ANKRD44: variants seen among roughly 807,000 people sequenced by gnomAD.
ANKRD44 encodes the protein ankyrin repeat domain 44, also known as serine/threonine-protein phosphatase 6 regulatory ankyrin repeat subunit B.
A neutral mutation model predicts 116.0 loss-of-function variants in ANKRD44; 35 were observed. The observed-to-expected ratio is 0.30, with a 90% CI of 0.23 to 0.40. The LOEUF (loss-of-function observed/expected upper bound fraction) is 0.40. Ranked by LOEUF, ANKRD44 falls within the 10% of genes least tolerant of loss-of-function variation. The pLI is 1.00. For synonymous variants in ANKRD44, 435 were observed against 461.8 expected (o/e 0.94, Z 0.74); for missense variants, 1,014 against 1,242.6 (o/e 0.82, Z 2.77).
rs367747748 is a variant in ANKRD44, at chr2:197,025,215, T to G, written c.1703A>C (p.Lys568Thr). The change falls in exon 17 of 28, where the codon AAG becomes ACG. Residue 568 changes from lysine to threonine, a missense_variant. Coordinates refer to ENST00000282272, the MANE Select transcript of ANKRD44 (RefSeq NM_001195144.2). The part of the protein sequence containing the change: ...GFEESDSGAT[K>T]SPLHLAAYNG... The stretch of plus-strand genomic sequence containing the variant: ...ACTTACAGCTAAGTGGAGTGGACTC[T>G]TAGTAGCACCAGAATCTGATTCTTC... The G allele has an allele frequency of 2.5e-6, 4 of 1,612,796 alleles. No individual in the cohort carries two copies. The highest frequency in any genetic ancestry group is 3.4e-6 in the Non-Finnish European group (4 of 1,178,900).
chr2:197,216,844 G>A (rs1394091027), intron 1 of ANKRD44, among the ~76,000 whole-genome samples: 1 of 138,688 alleles, frequency 7.2e-6, no homozygotes. Flanking sequence ...GCAGGGTCTG[G>A]CTTTGTCAGC....
intron 2 of ANKRD44, among the ~76,000 whole-genome samples, chr2:197,172,194 G>C (rs544490199): frequency 6.6e-6 from 1 of 152,034 alleles, no homozygotes; most frequent in Non-Finnish European, 1.5e-5. Flanking sequence ...AGAGAGGGGG[G>C]CTTCACCATA....
At position 197,284,023 on chromosome 2, in the gene ANKRD44, G is replaced by A. The variant is rs149585940; in HGVS notation, c.27+26555C>T. 2.9e-3 allele frequency among the ~76,000 whole-genome samples: 448 copies of A among 152,254 alleles called. 1 individual carries two copies. The highest frequency in any genetic ancestry group is 9.9e-3 in the African/African-American group (413 of 41,550). ...CTGTTAACTACTGTCTCCTCTCCCC[G>A]TTTGCTGGATCTATCTATGAATAGG... On this transcript the variant is annotated intron_variant, in intron 1 of 27. Coordinates refer to ENST00000282272, the MANE Select transcript of ANKRD44 (RefSeq NM_001195144.2).
At chr2:196,999,152 A>G in intron 23 of ANKRD44, 100 bp from the exon 24 acceptor site, 1 of 1,408,732 alleles carries the variant, frequency 7.1e-7, no homozygotes, top group Non-Finnish European at 9.6e-7. Context: ...TAAGGATTTA[A>G]AACTTCTCAG....
rs998494247 is a variant in ANKRD44 at position 196,993,638 on chromosome 2, C to T, written c.2868G>A (p.Val956=). ...LHVAARNGLK[V]VVEELLAKGA... ...CTTTGGCCAGCAACTCCTCAACTACCACCTTTAAGCCATTGCGCGCAGCGA... is the reference window on the plus strand; with the variant it reads ...CTTTGGCCAGCAACTCCTCAACTACTACCTTTAAGCCATTGCGCGCAGCGA... The change falls in exon 27 of 28, where the codon GTG becomes GTA. Residue 956 remains valine, a synonymous_variant. Transcript: ENST00000282272. 6.4e-7 allele frequency: 1 copy of T among 1,551,072 alleles called. No individual in the cohort carries two copies. Among genetic ancestry groups the T allele is most frequent in the Non-Finnish European group, 8.7e-7 (1 of 1,147,098 alleles).
At chr2:197,027,550 C>T (rs182044285) in intron 16 of ANKRD44, among the ~76,000 whole-genome samples, 1 of 152,080 alleles carries the variant, frequency 6.6e-6, no homozygotes, top group Admixed American at 6.5e-5. Flanking sequence ...AAGACTCAGA[C>T]TGAGCAGGTG....
intron 16 of ANKRD44, among the ~76,000 whole-genome samples, chr2:197,074,694 GT>G (rs751273514): frequency 1.4e-4 from 21 of 152,068 alleles, no homozygotes; most frequent in Non-Finnish European, 2.9e-4. Context: ...GCCCAGGTTG[GT>G]CTTGAATTCC....
At chr2:197,056,197 G>C in intron 16 of ANKRD44, among the ~76,000 whole-genome samples, 1 of 152,012 alleles carries the variant, frequency 6.6e-6, no homozygotes, top group Non-Finnish European at 1.5e-5. Flanking sequence ...TAAGTCCCCA[G>C]GTTGTTCTTT....
At chr2:197,131,208 T>C (rs79158581) in intron 4 of ANKRD44, among the ~76,000 whole-genome samples, 3 of 151,412 alleles carry the variant, frequency 2.0e-5, no homozygotes, top group African/African-American at 4.9e-5. Flanking sequence ...TTTTTTTTTT[T>C]TGAGACGGAG....
chr2:197,187,487 A>T (rs968780034), intron 1 of ANKRD44, among the ~76,000 whole-genome samples: 3 of 152,160 alleles, frequency 2.0e-5, no homozygotes, highest in African/African-American at 7.2e-5. Context: ...ACCAACATTG[A>T]TATGTTGCAA....
chr2:197,257,149 G>C (rs2082470482), intron 1 of ANKRD44, among the ~76,000 whole-genome samples: 1 of 152,146 alleles, frequency 6.6e-6, no homozygotes. Flanking sequence ...GCAGATTCCA[G>C]GACTCTCTTG....
chr2:197,116,165 G>T (rs888738967), intron 8 of ANKRD44, among the ~76,000 whole-genome samples: 1 of 152,234 alleles, frequency 6.6e-6, no homozygotes, highest in African/African-American at 2.4e-5. Flanking sequence ...CCACTGGTCA[G>T]TTAACTGGGA....
intron 16 of ANKRD44, among the ~76,000 whole-genome samples, chr2:197,050,602 C>T (rs1322544022): frequency 6.6e-6 from 1 of 151,838 alleles, no homozygotes; most frequent in East Asian, 1.9e-4. Context: ...CTTGTATTTT[C>T]AGTGGAGACA....
intron 1 of ANKRD44, among the ~76,000 whole-genome samples, chr2:197,244,262 C>T (rs1230953140): frequency 1.3e-5 from 2 of 152,192 alleles, no homozygotes; most frequent in African/African-American, 4.8e-5. Context: ...GGACAAGACT[C>T]TATTAAGCAA....
chr2:196,995,696 A>G (rs991847523), intron 25 of ANKRD44, among the ~76,000 whole-genome samples: 5 of 152,192 alleles, frequency 3.3e-5, no homozygotes, highest in African/African-American at 1.2e-4. Flanking sequence ...TAAAATATTA[A>G]TACTGCTAAG....
chr2:197,142,427 C>A (rs2079389560), intron 3 of ANKRD44, among the ~76,000 whole-genome samples: 1 of 152,066 alleles, frequency 6.6e-6, no homozygotes, highest in African/African-American at 2.4e-5. Flanking sequence ...TATAATATAA[C>A]AAAATCAGCT....
intron 1 of ANKRD44, among the ~76,000 whole-genome samples, chr2:197,284,141 G>A (rs1384014456): frequency 6.6e-6 from 1 of 152,116 alleles, no homozygotes; most frequent in Non-Finnish European, 1.5e-5. Context: ...TGGATAAGAT[G>A]GAAAGACATC....
chr2:196,987,043 T>C lies in ANKRD44; in HGVS notation c.*2548A>G, dbSNP rs2075845821. On this transcript the variant is annotated 3_prime_UTR_variant, in exon 28 of 28. Transcript: ENST00000282272. ...ATTGCACATGCTAGAGCATAAAATA[T>C]GTAGACAAAACTACCAAATAAAAGA... The C allele has an allele frequency of 4.1e-6, 4 of 985,126 alleles. No individual in the cohort carries two copies. In the South Asian group the frequency reaches 1.4e-4, roughly 35 times the overall value. The allele number at this position is 985,126 out of a possible 1,614,324, so 61.0% of individuals were successfully genotyped here.
intron 17 of ANKRD44, among the ~76,000 whole-genome samples, chr2:197,020,212 A>C (rs1374374891): frequency 6.6e-6 from 1 of 152,030 alleles, no homozygotes; most frequent in African/African-American, 2.4e-5. Context: ...ATGACACTTG[A>C]CTCCAGGCTT....
Sources: gnomAD v4.1 joint callset for allele counts (sites outside exome capture counted in the v4.1 genomes callset) on GRCh38, gnomAD v4.1.1 for gene constraint, MANE v1.5 for transcripts, NCBI Gene and HGNC (gene_info 2026-07-23, HGNC 2026-07-21) for gene names.